CLASP1: variants seen among roughly 807,000 people sequenced by gnomAD.
CLASP1 encodes cytoplasmic linker associated protein 1.
A neutral mutation model predicts 192.3 loss-of-function variants in CLASP1; 38 were observed. That is an observed-to-expected ratio of 0.20 (90% CI 0.15 to 0.26). The LOEUF (loss-of-function observed/expected upper bound fraction) is 0.26, where lower values mean the gene tolerates loss of function less well. Among genes scored for constraint, CLASP1 ranks in the 10% least tolerant of loss-of-function variants. The pLI is 1.00. For missense variants in CLASP1, 1,433 were observed against 1,932.5 expected, an observed-to-expected ratio of 0.74 and a Z score of 4.85; for synonymous variants, 691 against 712.8, an observed-to-expected ratio of 0.97 and a Z score of 0.49.
intron 34 of CLASP1, among the ~76,000 whole-genome samples, chr2:121,370,227 A>G (rs1246429155): frequency 2.0e-5 from 3 of 152,172 alleles, no homozygotes; most frequent in African/African-American, 4.8e-5. Context: ...CGAGTCTTTC[A>G]CATTTAACAC....
chr2:121,503,433 T>C (rs1043550231), intron 7 of CLASP1, among the ~76,000 whole-genome samples, 199 bp from the exon 8 acceptor site: 1 of 152,190 alleles, frequency 6.6e-6, no homozygotes, highest in African/African-American at 2.4e-5. Context: ...GGGTAAAGAA[T>C]GGGCCTAGAA....
chr2:121,551,680 C>T (rs953884934), intron 2 of CLASP1, among the ~76,000 whole-genome samples: 1 of 152,086 alleles, frequency 6.6e-6, no homozygotes, highest in Admixed American at 6.6e-5. Context: ...TTACAAAACA[C>T]TGCTCAGAGA....
At position 121,350,042 on chromosome 2, in the gene CLASP1, A is replaced by G. The variant is rs895383376; in HGVS notation, c.4207-1324T>C. 1.2e-4 allele frequency among the ~76,000 whole-genome samples: 19 copies of G among 152,384 alleles called. No individual in the cohort carries two copies. In the South Asian group the frequency reaches 3.5e-3, roughly 28 times the overall value. On this transcript the variant is annotated intron_variant, in intron 37 of 39. Coordinates refer to ENST00000263710, the Ensembl canonical transcript of CLASP1. ...ACCAATGGCACAGAGTACACATTAT[A>G]TAAATGACAGATAAAGACAGGCACC...
At chr2:121,458,471 G>C (rs1274021952) in intron 13 of CLASP1, among the ~76,000 whole-genome samples, 1 of 152,194 alleles carries the variant, frequency 6.6e-6, no homozygotes, top group East Asian at 1.9e-4. Context: ...AAAACCACAA[G>C]CACCAATACC....
intron 1 of CLASP1, among the ~76,000 whole-genome samples, chr2:121,621,691 C>G (rs1321742559): frequency 6.6e-6 from 1 of 152,146 alleles, no homozygotes. Context: ...ATGCCAGTAT[C>G]AGATTGTCTC....
chr2:121,507,974 C>T (rs1477814363), intron 7 of CLASP1, among the ~76,000 whole-genome samples: 1 of 151,800 alleles, frequency 6.6e-6, no homozygotes, highest in East Asian at 1.9e-4. Flanking sequence ...AAGATATTAC[C>T]AGATAAATGA....
intron 19 of CLASP1, among the ~76,000 whole-genome samples, chr2:121,444,636 T>A (rs1032702257): frequency 6.6e-6 from 1 of 152,168 alleles, no homozygotes; most frequent in African/African-American, 2.4e-5. Flanking sequence ...ATGAGGACAG[T>A]AGCACACAGT....
chr2:121,478,972 CCACACACACA>C (rs2092298717), intron 8 of CLASP1, among the ~76,000 whole-genome samples: 2 of 55,796 alleles, frequency 3.6e-5, no homozygotes, highest in South Asian at 1.4e-3. Flanking sequence ...ACCACACACA[CCACACACACA>C]CCACACACCC....
At chr2:121,363,241 T>G (rs935152739) in exon 37 of CLASP1, 5 of 1,613,854 alleles carry the variant, frequency 3.1e-6, no homozygotes, top group Middle Eastern at 1.6e-4. Flanking sequence ...TTTTAAATCT[T>G]GCTGGTTGAT....
At chr2:121,409,572 G>T (rs901727421) in intron 24 of CLASP1, among the ~76,000 whole-genome samples, 1 of 152,142 alleles carries the variant, frequency 6.6e-6, no homozygotes, top group Admixed American at 6.5e-5. Context: ...CCGCCTCCTA[G>T]AACTTTACAC....
intron 32 of CLASP1, 80 bp downstream of exon 33, chr2:121,387,042 A>C: frequency 8.5e-7 from 1 of 1,181,350 alleles, no homozygotes; most frequent in African/African-American, 1.5e-5. Context: ...AGCTTAGTCT[A>C]AAAATCTAGA....
At chr2:121,497,421 T>C (rs1356782660) in intron 8 of CLASP1, among the ~76,000 whole-genome samples, 22 of 152,202 alleles carry the variant, frequency 1.4e-4, no homozygotes, top group Non-Finnish European at 1.6e-4. Context: ...TAGATACATG[T>C]TTCAAATACA....
At chr2:121,477,434 TAGAA>T (rs1378466656) in intron 8 of CLASP1, among the ~76,000 whole-genome samples, 1 of 152,248 alleles carries the variant, frequency 6.6e-6, no homozygotes, top group East Asian at 1.9e-4. Flanking sequence ...ATTTTCCTGC[TAGAA>T]AGAAATGTAT....
At chr2:121,425,660 A>T (rs1442466789) in intron 21 of CLASP1, among the ~76,000 whole-genome samples, 2 of 152,222 alleles carry the variant, frequency 1.3e-5, no homozygotes, top group East Asian at 3.8e-4. Flanking sequence ...GTAGAACTAT[A>T]ACAATTTTCT....
At position 121,427,392 on chromosome 2, in the gene CLASP1, G is replaced by GAAAT. The variant is rs755662907; in HGVS notation, c.2044+8_2044+11dup. On this transcript the variant is annotated intron_variant, in intron 21 of 39. Coordinates refer to ENST00000263710, the Ensembl canonical transcript of CLASP1. ...ACAACAACAAAAAAAGGCAAGAAGAGAAATGGCTTACCACCAGCAGGATTA... is the reference window on the plus strand; with the variant it reads ...ACAACAACAAAAAAAGGCAAGAAGAGAAATAAATGGCTTACCACCAGCAGGATTA... The GAAAT allele has an allele frequency of 1.6e-5, 25 of 1,612,410 alleles. No homozygotes were observed. The highest frequency in any genetic ancestry group is 1.9e-5 in the Non-Finnish European group (22 of 1,179,400).
chr2:121,479,517 A>G (rs72969340), intron 8 of CLASP1, among the ~76,000 whole-genome samples: 6,336 of 152,318 alleles, frequency 0.042, 169 homozygotes, highest in East Asian at 0.14. Context: ...TTCATATATC[A>G]GAGGAATTTT....
chr2:121,524,629 G>A (rs2094531793), intron 6 of CLASP1, among the ~76,000 whole-genome samples: 1 of 152,004 alleles, frequency 6.6e-6, no homozygotes, highest in Non-Finnish European at 1.5e-5. Context: ...GCTAATTTTT[G>A]TATTTTTGGT....
At chr2:121,576,189 A>AT (rs200608760) in intron 2 of CLASP1, among the ~76,000 whole-genome samples, 18 of 152,242 alleles carry the variant, frequency 1.2e-4, no homozygotes, top group African/African-American at 3.4e-4. Flanking sequence ...TTACAGGTAA[A>AT]ATTTTTTTTT....
At chr2:121,446,201 G>A (rs1273352228) in intron 19 of CLASP1, among the ~76,000 whole-genome samples, 1 of 152,140 alleles carries the variant, frequency 6.6e-6, no homozygotes, top group Non-Finnish European at 1.5e-5. Flanking sequence ...AATTAATAAT[G>A]TTCCTATCAC....
Sources: allele counts gnomAD v4.1 joint callset (sites outside exome capture counted in the v4.1 genomes callset), GRCh38; gene constraint gnomAD v4.1.1; transcripts MANE v1.5; gene names NCBI Gene and HGNC (gene_info 2026-07-23, HGNC 2026-07-21).